The following IRAK2 variants were observed in gnomAD, a reference collection of about 807,000 sequenced individuals.
The protein encoded by IRAK2 is interleukin-1 receptor-associated kinase-like 2.
In IRAK2, 57 loss-of-function variants were observed where a neutral mutation model predicts 72.0. The ratio of observed to expected loss-of-function variants is 0.79; its 90% CI spans 0.64 to 0.99. The LOEUF (loss-of-function observed/expected upper bound fraction) is 0.99, where lower values mean the gene tolerates loss of function less well. Ranked by LOEUF, IRAK2 falls within the 50% of genes least tolerant of loss-of-function variation. IRAK2 has a pLI of 0.00. For missense variants in IRAK2, 790 were observed against 794.4 expected (o/e 0.99, Z 0.07); for synonymous variants, 293 against 312.7 (o/e 0.94, Z 0.67).
chr3:10,205,470 G>T (rs989266588), intron 3 of IRAK2, among the ~76,000 whole-genome samples: 1 of 152,184 alleles, frequency 6.6e-6, no homozygotes, highest in Non-Finnish European at 1.5e-5. Context: ...TGAGAGGCCT[G>T]GGGGAGCCTC....
intron 9 of IRAK2, among the ~76,000 whole-genome samples, chr3:10,225,348 T>G (rs1341412045): frequency 6.6e-6 from 1 of 152,148 alleles, no homozygotes; most frequent in African/African-American, 2.4e-5. Context: ...TGCCTAAAGA[T>G]CACCTGAGCA....
At chr3:10,197,394 AAAAAG>A (rs1271026704) in intron 2 of IRAK2, among the ~76,000 whole-genome samples, 5 of 151,576 alleles carry the variant, frequency 3.3e-5, no homozygotes, top group Admixed American at 6.6e-5. Context: ...CAAAAAAAAA[AAAAAG>A]AAAAAGAAAA....
chr3:10,229,166 A>C (rs986349378), intron 10 of IRAK2, among the ~76,000 whole-genome samples: 2 of 152,104 alleles, frequency 1.3e-5, no homozygotes, highest in Non-Finnish European at 2.9e-5. Flanking sequence ...TGAACTCCTG[A>C]CATCACTCAG....
intron 2 of IRAK2, among the ~76,000 whole-genome samples, chr3:10,185,583 C>T (rs1234710141): frequency 8.2e-6 from 1 of 121,328 alleles, no homozygotes; most frequent in Admixed American, 7.9e-5. Context: ...AAAAAAAGAA[C>T]CACTGCTCTG....
chr3:10,167,065 G>C (rs754365671), intron 1 of IRAK2, among the ~76,000 whole-genome samples: 2 of 151,654 alleles, frequency 1.3e-5, no homozygotes, highest in Non-Finnish European at 2.9e-5. Context: ...CTGTTTCTAG[G>C]AAATTCAATT....
intron 10 of IRAK2, among the ~76,000 whole-genome samples, chr3:10,228,232 A>T (rs965856388): frequency 6.6e-6 from 1 of 151,886 alleles, no homozygotes; most frequent in Non-Finnish European, 1.5e-5. Context: ...ACAGATTATT[A>T]TTTTATTTAT....
chr3:10,187,043 A>G (rs991774527), intron 2 of IRAK2, among the ~76,000 whole-genome samples: 1 of 150,468 alleles, frequency 6.6e-6, no homozygotes, highest in Non-Finnish European at 1.5e-5. Context: ...TCGAAAATCC[A>G]GTATCTGAAG....
intron 2 of IRAK2, among the ~76,000 whole-genome samples, chr3:10,185,037 C>CG (rs1697032665): frequency 6.6e-6 from 1 of 151,046 alleles, no homozygotes; most frequent in Non-Finnish European, 1.5e-5. Context: ...GGCCAAAACT[C>CG]CATTCCCAGG....
chr3:10,208,917 G>T (rs899818110), intron 3 of IRAK2, among the ~76,000 whole-genome samples: 2 of 152,118 alleles, frequency 1.3e-5, no homozygotes, highest in Non-Finnish European at 2.9e-5. Flanking sequence ...TGCCTGGCAT[G>T]ATGTTTGCTA....
chr3:10,214,795 T>C (rs1343914112), intron 6 of IRAK2, among the ~76,000 whole-genome samples: 4 of 151,826 alleles, frequency 2.6e-5, no homozygotes, highest in East Asian at 3.9e-4. Flanking sequence ...AAAAAATATA[T>C]ATACAAAAAC....
At chr3:10,195,311 C>T (rs1222080598) in intron 2 of IRAK2, among the ~76,000 whole-genome samples, 1 of 152,132 alleles carries the variant, frequency 6.6e-6, no homozygotes, top group Non-Finnish European at 1.5e-5. Context: ...AATCCCAGCA[C>T]TTTGGGAGGA....
At chr3:10,201,169 A>T (rs1049114681) in intron 3 of IRAK2, among the ~76,000 whole-genome samples, 2 of 152,222 alleles carry the variant, frequency 1.3e-5, no homozygotes, top group African/African-American at 4.8e-5. Flanking sequence ...AAAGATATTG[A>T]CTCATTTAAT....
chr3:10,219,028 T>C (rs1439193540), intron 7 of IRAK2, among the ~76,000 whole-genome samples: 1 of 152,102 alleles, frequency 6.6e-6, no homozygotes, highest in Non-Finnish European at 1.5e-5. Flanking sequence ...CAAAACCCTG[T>C]CTCCACGAAA....
At chr3:10,192,444 C>A (rs1209769890) in intron 2 of IRAK2, among the ~76,000 whole-genome samples, 1 of 152,192 alleles carries the variant, frequency 6.6e-6, no homozygotes, top group East Asian at 1.9e-4. Context: ...GGCCCAGCAC[C>A]CATAAACATC....
At chr3:10,184,786 G>A (rs1173556402) in intron 2 of IRAK2, among the ~76,000 whole-genome samples, 6 of 140,562 alleles carry the variant, frequency 4.3e-5, no homozygotes, top group African/African-American at 1.6e-4. Flanking sequence ...CTGGAGTGCA[G>A]TGGCGCGATC....
intron 1 of IRAK2, among the ~76,000 whole-genome samples, chr3:10,170,575 G>A (rs551032729): frequency 5.3e-4 from 80 of 152,116 alleles, no homozygotes; most frequent in Non-Finnish European, 9.0e-4. Flanking sequence ...ATGTCCCCTC[G>A]TTCCTGAATT....
At chr3:10,186,779 T>C (rs1697080677) in intron 2 of IRAK2, among the ~76,000 whole-genome samples, 1 of 144,860 alleles carries the variant, frequency 6.9e-6, no homozygotes, top group African/African-American at 2.8e-5. Context: ...GTTTTCTTTC[T>C]TTCCTTTTTT....
At chr3:10,220,864 T>A (rs1316745845) in intron 8 of IRAK2, among the ~76,000 whole-genome samples, 1 of 152,164 alleles carries the variant, frequency 6.6e-6, no homozygotes. Flanking sequence ...TTTTGTTTCT[T>A]TTTTCACTTC....
chr3:10,178,021 G>A lies in IRAK2; in HGVS notation c.277+1G>A. On this transcript the variant is annotated splice_donor_variant, in intron 2 of 12. Transcript: ENST00000256458. LOFTEE classifies it high-confidence loss of function. Reference sequence around the variant, plus strand: ...CGGGCTGCCCAGATCATCCTGAACTGTGAGTAACTCAGGGCCCTCCTTGAG... The same window carrying A: ...CGGGCTGCCCAGATCATCCTGAACTATGAGTAACTCAGGGCCCTCCTTGAG... 2 of 1,600,916 alleles carry A rather than the reference G, an allele frequency of 1.2e-6. No homozygotes were observed. The highest frequency in any genetic ancestry group is 1.7e-6 in the Non-Finnish European group (2 of 1,172,752).
Sources: gnomAD v4.1 joint callset for allele counts (sites outside exome capture counted in the v4.1 genomes callset) on GRCh38, gnomAD v4.1.1 for gene constraint, MANE v1.5 for transcripts, NCBI Gene and HGNC (gene_info 2026-07-23, HGNC 2026-07-21) for gene names.